Variants in NOX4 observed in about 807,000 individuals in gnomAD.
NOX4 encodes kidney oxidase-1.
In NOX4, 69 loss-of-function variants were observed where a neutral mutation model predicts 87.6. The ratio of observed to expected loss-of-function variants is 0.79; its 90% CI spans 0.65 to 0.96. The LOEUF (loss-of-function observed/expected upper bound fraction) is 0.96. Among genes scored for constraint, NOX4 ranks in the 40% least tolerant of loss-of-function variants. The probability of loss-of-function intolerance (pLI) is 0.00; values close to 1 mark genes in which losing one functional copy is unlikely to be tolerated. For synonymous variants in NOX4, 275 were observed against 238.2 expected (o/e 1.15, Z -1.42); for missense variants, 680 against 681.5 (o/e 1.00, Z 0.02).
chr11:89,574,849 A>T, the NOX4 span, among the ~76,000 whole-genome samples: 12 of 152,204 alleles, frequency 7.9e-5, no homozygotes, highest in Non-Finnish European at 1.2e-4. Context: ...GTGTTTTAAT[A>T]ATTTATGTAG....
At chr11:89,487,565 A>T in intron 2 of NOX4, among the ~76,000 whole-genome samples, 1 of 152,214 alleles carries the variant, frequency 6.6e-6, no homozygotes, top group Non-Finnish European at 1.5e-5. Context: ...AAATGGTACA[A>T]TGAAATACAT....
chr11:89,451,285 T>C (rs969347646), intron 3 of NOX4, among the ~76,000 whole-genome samples: 2 of 152,184 alleles, frequency 1.3e-5, no homozygotes, highest in Non-Finnish European at 2.9e-5. Context: ...AGATAAGTTG[T>C]TGCCAACACC....
chr11:89,406,909 G>C (rs566442345), intron 8 of NOX4, among the ~76,000 whole-genome samples: 2 of 152,010 alleles, frequency 1.3e-5, no homozygotes, highest in Non-Finnish European at 2.9e-5. Context: ...TTCCAGAAAG[G>C]CTTCACAGAG....
chr11:89,469,750 C>G (rs537756838), intron 2 of NOX4, among the ~76,000 whole-genome samples: 1 of 152,290 alleles, frequency 6.6e-6, no homozygotes, highest in East Asian at 1.9e-4. Flanking sequence ...TTTACACTTT[C>G]TTACTCTTTC....
the NOX4 span, among the ~76,000 whole-genome samples, chr11:89,567,709 G>A: frequency 6.6e-6 from 1 of 152,134 alleles, no homozygotes; most frequent in African/African-American, 2.4e-5. Context: ...CCTCCCATGA[G>A]GTCCCTCCCC....
intron 12 of NOX4, 79 bp from the exon 13 acceptor site, chr11:89,355,122 T>C: frequency 9.6e-7 from 1 of 1,046,332 alleles, no homozygotes; most frequent in Non-Finnish European, 1.4e-6. Context: ...GTATTTCCTA[T>C]TGGTTTATTT....
chr11:89,530,298 T>C, the NOX4 span, among the ~76,000 whole-genome samples: 2 of 150,700 alleles, frequency 1.3e-5, no homozygotes, highest in African/African-American at 4.9e-5. Flanking sequence ...ACTCTCTCCA[T>C]AATACCACAT....
At chr11:89,535,172 T>C in the NOX4 span, among the ~76,000 whole-genome samples, 1 of 152,152 alleles carries the variant, frequency 6.6e-6, no homozygotes, top group Non-Finnish European at 1.5e-5. Context: ...TAAATCTCAG[T>C]CCCCTAAGAT....
intron 2 of NOX4, among the ~76,000 whole-genome samples, chr11:89,460,687 G>C (rs907366252): frequency 2.6e-5 from 4 of 152,170 alleles, no homozygotes; most frequent in Non-Finnish European, 5.9e-5. Context: ...TGGAGAAACA[G>C]GAACACTTTT....
At chr11:89,487,146 G>A (rs1946660304) in intron 2 of NOX4, among the ~76,000 whole-genome samples, 2 of 152,056 alleles carry the variant, frequency 1.3e-5, no homozygotes, top group Admixed American at 6.6e-5. Context: ...AAAAGCAGAG[G>A]TCAGACAGGG....
At chr11:89,479,076 A>G (rs549788090) in intron 2 of NOX4, among the ~76,000 whole-genome samples, 2 of 152,096 alleles carry the variant, frequency 1.3e-5, no homozygotes, top group East Asian at 3.9e-4. Context: ...TCATCACCTT[A>G]TCTCCTAAGT....
At chr11:89,541,676 T>C in the NOX4 span, among the ~76,000 whole-genome samples, 1 of 152,160 alleles carries the variant, frequency 6.6e-6, no homozygotes, top group African/African-American at 2.4e-5. Flanking sequence ...TTATTAAATG[T>C]ACAGAAAATG....
chr11:89,529,023 G>A, the NOX4 span, among the ~76,000 whole-genome samples: 1 of 151,992 alleles, frequency 6.6e-6, no homozygotes, highest in African/African-American at 2.4e-5. Context: ...ACAGGTAGAA[G>A]ATAAGAATAC....
intron 2 of NOX4, among the ~76,000 whole-genome samples, chr11:89,469,875 T>C (rs1945854169): frequency 6.6e-6 from 1 of 152,112 alleles, no homozygotes; most frequent in Non-Finnish European, 1.5e-5. Flanking sequence ...TATTTTAAAA[T>C]AAACCACTTT....
At position 89,421,950 on chromosome 11, in the gene NOX4, T is replaced by C; in HGVS notation, c.581A>G (p.His194Arg). 2 of 1,566,618 alleles carry C rather than the reference T, an allele frequency of 1.3e-6. No individual in the cohort carries two copies. Among genetic ancestry groups the C allele is most frequent in the Non-Finnish European group, 1.7e-6 (2 of 1,159,298 alleles). Residue 194 changes from histidine (H) to arginine (R), a missense_variant, in exon 8 of 18, where the codon CAT (histidine) becomes CGT (arginine). Transcript: ENST00000263317. The stretch of plus-strand genomic sequence containing the variant: ...CATGTAGAAGACAAAGAAGAGGTTA[T>C]GAGTATACCAGAAGATATCATAGTT... ...VSNYDIFWYT[H>R]NLFFVFYMLL...
At chr11:89,420,201 C>A (rs1943010839) in intron 8 of NOX4, among the ~76,000 whole-genome samples, 1 of 152,072 alleles carries the variant, frequency 6.6e-6, no homozygotes, top group Non-Finnish European at 1.5e-5. Flanking sequence ...GTTCCCACTT[C>A]TGAAAGAGGT....
the NOX4 span, among the ~76,000 whole-genome samples, chr11:89,511,075 T>C: frequency 2.0e-5 from 3 of 152,086 alleles, no homozygotes; most frequent in Non-Finnish European, 4.4e-5. Flanking sequence ...GCTACCATTG[T>C]TTCTTTGGAG....
At chr11:89,417,700 T>C (rs1942861385) in intron 8 of NOX4, among the ~76,000 whole-genome samples, 1 of 152,110 alleles carries the variant, frequency 6.6e-6, no homozygotes, top group Non-Finnish European at 1.5e-5. Context: ...CAAAGTTAAA[T>C]GTGGAGTGTC....
intron 11 of NOX4, among the ~76,000 whole-genome samples, chr11:89,392,273 A>C (rs1941183694): frequency 6.6e-6 from 1 of 152,134 alleles, no homozygotes; most frequent in African/African-American, 2.4e-5. Flanking sequence ...CTTCTGAAAC[A>C]AGCCTGCAAT....
Sources: allele counts gnomAD v4.1 joint callset (sites outside exome capture counted in the v4.1 genomes callset), GRCh38; gene constraint gnomAD v4.1.1; transcripts MANE v1.5; gene names NCBI Gene and HGNC (gene_info 2026-07-23, HGNC 2026-07-21).